BNC2: variants seen among roughly 807,000 people sequenced by gnomAD.
BNC2 encodes zinc finger protein basonuclin-2.
BNC2 carries 20 observed loss-of-function variants against 76.3 expected under a neutral mutation model. The observed-to-expected ratio is 0.26, with a 90% CI of 0.18 to 0.38. The LOEUF (loss-of-function observed/expected upper bound fraction) is 0.38. Among genes scored for constraint, BNC2 ranks in the 10% least tolerant of loss-of-function variants. The probability of loss-of-function intolerance (pLI) is 1.00; values close to 1 mark genes in which losing one functional copy is unlikely to be tolerated. For synonymous variants in BNC2, 582 were observed against 514.8 expected, an observed-to-expected ratio of 1.13 and a Z score of -1.77; for missense variants, 1,382 against 1,399.8, an observed-to-expected ratio of 0.99 and a Z score of 0.20.
intron 5 of BNC2, among the ~76,000 whole-genome samples, chr9:16,533,121 A>G (rs1221521525): frequency 6.6e-6 from 1 of 152,240 alleles, no homozygotes; most frequent in African/African-American, 2.4e-5. Flanking sequence ...TAATTTTGCT[A>G]TGACAGAAAA....
intron 1 of BNC2, among the ~76,000 whole-genome samples, chr9:16,795,280 CAT>C (rs1316422644): frequency 7.2e-5 from 11 of 151,922 alleles, no homozygotes; most frequent in African/African-American, 2.4e-4. Context: ...GCGAACTCCA[CAT>C]GTGACCGGTC....
At chr9:16,665,241 A>C in intron 3 of BNC2, 1 of 369,460 alleles carries the variant, frequency 2.7e-6, no homozygotes, top group South Asian at 2.1e-5. Flanking sequence ...ATGGTGGTGC[A>C]TGCCTGTAAT....
At chr9:16,701,302 T>C (rs759513028) in intron 3 of BNC2, among the ~76,000 whole-genome samples, 2 of 152,214 alleles carry the variant, frequency 1.3e-5, no homozygotes, top group Non-Finnish European at 2.9e-5. Context: ...GCTTAAATGA[T>C]ATATGAAGAA....
At chr9:16,838,610 T>C (rs1586924351) in intron 1 of BNC2, among the ~76,000 whole-genome samples, 1 of 152,184 alleles carries the variant, frequency 6.6e-6, no homozygotes, top group African/African-American at 2.4e-5. Flanking sequence ...GTTCTGTGGA[T>C]GTCACTGTAA....
rs201653189 is a variant in BNC2, at chr9:16,418,940, C to G, written c.*49G>C. 42 of 1,602,944 alleles carry G rather than the reference C, an allele frequency of 2.6e-5. No homozygotes were observed. The highest frequency in any genetic ancestry group is 2.4e-4 in the African/African-American group (18 of 74,380). On this transcript the variant is annotated 3_prime_UTR_variant, in exon 7 of 7. Transcript: ENST00000380672. ...CGCACACTGACTATGGCAGTTCAAACACGTAGGCCATCTGGTGAGAGCTGG... is the reference window on the plus strand; with the variant it reads ...CGCACACTGACTATGGCAGTTCAAAGACGTAGGCCATCTGGTGAGAGCTGG...
intron 5 of BNC2, among the ~76,000 whole-genome samples, chr9:16,440,362 C>T (rs757639230): frequency 5.9e-5 from 9 of 152,172 alleles, no homozygotes; most frequent in Non-Finnish European, 1.0e-4. Context: ...GGAAGTCTTT[C>T]TCTAGAGTGC....
Position 16,582,956 on chromosome 9 carries a change from G to A in BNC2, c.433+27C>T, listed in dbSNP as rs530734810. On this transcript the variant is annotated intron_variant, in intron 4 of 6. Coordinates refer to ENST00000380672, the MANE Select transcript of BNC2 (RefSeq NM_017637.6). ...ACACGAACATGAACATAATAAGAAC[G>A]GGAAGAAAAGCCCAGATTTTCCTCA... 3.2e-5 allele frequency: 47 copies of A among 1,459,652 alleles called. No individual in the cohort carries two copies. The East Asian group carries it at 8.5e-4, about 26-fold the overall frequency. The allele number at this position is 1,459,652 out of a possible 1,614,324, so 90.4% of individuals were successfully genotyped here.
intron 3 of BNC2, among the ~76,000 whole-genome samples, chr9:16,681,821 G>A (rs1354206240): frequency 6.6e-6 from 1 of 152,144 alleles, no homozygotes; most frequent in African/African-American, 2.4e-5. Context: ...GGTACTTTGG[G>A]CAGGAATCCT....
At chr9:16,772,506 T>C (rs1404214483) in intron 1 of BNC2, among the ~76,000 whole-genome samples, 2 of 152,186 alleles carry the variant, frequency 1.3e-5, no homozygotes, top group African/African-American at 4.8e-5. Context: ...TAAAGCTTAG[T>C]AGATGAAAAC....
At chr9:16,701,808 G>T (rs540869462) in intron 3 of BNC2, among the ~76,000 whole-genome samples, 74 of 151,988 alleles carry the variant, frequency 4.9e-4, no homozygotes, top group African/African-American at 1.8e-3. Context: ...CAGGCGTGGT[G>T]GCAGGCACCT....
At chr9:16,754,840 G>A (rs1324183968) in intron 1 of BNC2, among the ~76,000 whole-genome samples, 2 of 152,166 alleles carry the variant, frequency 1.3e-5, no homozygotes, top group South Asian at 2.1e-4. Flanking sequence ...TTAGAGGTGT[G>A]AGCCACCGCG....
At chr9:16,456,118 C>T (rs1014341702) in intron 5 of BNC2, among the ~76,000 whole-genome samples, 2 of 152,074 alleles carry the variant, frequency 1.3e-5, no homozygotes, top group Non-Finnish European at 2.9e-5. Context: ...TGACAACTAC[C>T]TATCAAGGAC....
At chr9:16,839,245 TTGCTTTCAATAC>T (rs1252354833) in intron 1 of BNC2, among the ~76,000 whole-genome samples, 1 of 152,232 alleles carries the variant, frequency 6.6e-6, no homozygotes, top group African/African-American at 2.4e-5. Flanking sequence ...GTAATCTTAG[TTGCTTTCAATAC>T]TGCTCAACCA....
At chr9:16,712,384 G>T (rs1345626582) in intron 3 of BNC2, among the ~76,000 whole-genome samples, 1 of 152,122 alleles carries the variant, frequency 6.6e-6, no homozygotes, top group Non-Finnish European at 1.5e-5. Flanking sequence ...TTTTATATTT[G>T]TGGGAAATAA....
At chr9:16,520,092 T>C (rs1259802177) in intron 5 of BNC2, among the ~76,000 whole-genome samples, 5 of 152,224 alleles carry the variant, frequency 3.3e-5, no homozygotes, top group Non-Finnish European at 1.5e-5. Flanking sequence ...CAGGATGATG[T>C]CTGCTCCCTT....
At chr9:16,663,130 CTTTTTTT>C (rs71325979) in intron 3 of BNC2, among the ~76,000 whole-genome samples, 33 of 99,620 alleles carry the variant, frequency 3.3e-4, no homozygotes, top group Non-Finnish European at 5.7e-4. Flanking sequence ...TCTGTTTACT[CTTTTTTT>C]TTTTTTTTTG....
At chr9:16,548,404 CG>C (rs1286405931) in intron 5 of BNC2, among the ~76,000 whole-genome samples, 12 of 149,302 alleles carry the variant, frequency 8.0e-5, no homozygotes, top group South Asian at 4.3e-4. Context: ...TCTTCTTCTT[CG>C]TTTTTTTTTT....
At chr9:16,848,730 T>A (rs1216259147) in intron 1 of BNC2, among the ~76,000 whole-genome samples, 1 of 152,170 alleles carries the variant, frequency 6.6e-6, no homozygotes, top group Non-Finnish European at 1.5e-5. Context: ...AAGAAAAGTT[T>A]GACCCTCAAG....
intron 5 of BNC2, among the ~76,000 whole-genome samples, chr9:16,455,949 A>C (rs966518240): frequency 6.6e-6 from 1 of 152,206 alleles, no homozygotes; most frequent in African/African-American, 2.4e-5. Context: ...CCTTATTCCA[A>C]CTTTTATAAT....
Sources: allele counts gnomAD v4.1 joint callset (sites outside exome capture counted in the v4.1 genomes callset), GRCh38; gene constraint gnomAD v4.1.1; transcripts MANE v1.5; gene names NCBI Gene and HGNC (gene_info 2026-07-23, HGNC 2026-07-21).